CDK14: variants seen among roughly 807,000 people sequenced by gnomAD.
The protein encoded by CDK14 is cyclin dependent kinase 14, also known as cyclin-dependent kinase 14.
A neutral mutation model predicts 60.7 loss-of-function variants in CDK14; 34 were observed. The ratio of observed to expected loss-of-function variants is 0.56; its 90% CI spans 0.43 to 0.75. The LOEUF (loss-of-function observed/expected upper bound fraction) is 0.75. Ranked by LOEUF, CDK14 falls within the 30% of genes least tolerant of loss-of-function variation. The pLI, the probability that CDK14 is intolerant of heterozygous loss-of-function variation, is 0.00. For synonymous variants in CDK14, 197 were observed against 203.7 expected, an observed-to-expected ratio of 0.97 and a Z score of 0.28; for missense variants, 482 against 564.1, an observed-to-expected ratio of 0.85 and a Z score of 1.47.
At chr7:91,039,876 G>A (rs1399820037) in intron 10 of CDK14, among the ~76,000 whole-genome samples, 3 of 152,056 alleles carry the variant, frequency 2.0e-5, no homozygotes, top group Non-Finnish European at 4.4e-5. Context: ...TGGATCACTT[G>A]AGCCCAGGAG....
Position 90,649,377 on chromosome 7 carries a change from CCTT to C in CDK14, c.123+45130_123+45132del, listed in dbSNP as rs1800566682. Among the ~76,000 whole-genome samples, 7 of 53,290 alleles carry C rather than the reference CCTT, an allele frequency of 1.3e-4. 1 individual carries two copies. Among genetic ancestry groups the C allele is most frequent in the African/African-American group, 5.6e-4 (6 of 10,790 alleles). 35.0% of individuals were successfully genotyped at this position (53,290 alleles called of 152,430 possible). On this transcript the variant is annotated intron_variant, in intron 2 of 14. Transcript: ENST00000380050. ...CCTTCCTTCCTTCCTTTCCTTCCTT[CCTT>C]CCTTCCTTCCTTCCTTCTTTCTTTC... is the stretch of plus-strand genomic sequence containing the variant.
intron 11 of CDK14, among the ~76,000 whole-genome samples, chr7:91,051,067 G>T (rs1036254596): frequency 2.0e-5 from 3 of 152,172 alleles, no homozygotes; most frequent in African/African-American, 7.2e-5. Flanking sequence ...AAGTAGAGAA[G>T]ATCTGATCTC....
At chr7:90,963,699 T>A (rs1249336552) in intron 9 of CDK14, among the ~76,000 whole-genome samples, 2 of 145,944 alleles carry the variant, frequency 1.4e-5, no homozygotes, top group African/African-American at 5.1e-5. Context: ...TTTTCTTTTT[T>A]CTTTTTCTTT....
intron 11 of CDK14, among the ~76,000 whole-genome samples, chr7:91,050,328 G>A (rs1283923051): frequency 1.3e-5 from 2 of 152,090 alleles, no homozygotes; most frequent in Non-Finnish European, 2.9e-5. Context: ...CAGGGGAGAG[G>A]CGATGAAATG....
In CDK14 at chr7:90,775,623, C is replaced by CT. The variant is rs1465037296; in HGVS notation, c.465-14949dup. 8.4e-4 allele frequency among the ~76,000 whole-genome samples: 81 copies of CT among 96,160 alleles called. 1 individual carries two copies. The highest frequency in any genetic ancestry group is 2.6e-3 in the African/African-American group (72 of 28,228). 63.1% of individuals were successfully genotyped at this position (96,160 alleles called of 152,430 possible). On this transcript the variant is annotated intron_variant, in intron 4 of 14. Transcript: ENST00000380050. ...CAGAGAAAAACGAAAATACCTCCTC[C>CT]TCCCCCTCCCCCTTCCCCTCCCCCT...
At chr7:91,072,413 A>G (rs1184295032) in intron 11 of CDK14, among the ~76,000 whole-genome samples, 1 of 152,172 alleles carries the variant, frequency 6.6e-6, no homozygotes, top group East Asian at 1.9e-4. Flanking sequence ...AGCAAACCAC[A>G]GCAGCCATAC....
intron 12 of CDK14, among the ~76,000 whole-genome samples, chr7:91,111,021 C>T (rs950870544): frequency 1.3e-5 from 2 of 152,120 alleles, no homozygotes; most frequent in African/African-American, 4.8e-5. Flanking sequence ...TGCTTTCGTT[C>T]CCTGTGGACA....
At chr7:90,653,619 T>C (rs967120255) in intron 2 of CDK14, among the ~76,000 whole-genome samples, 6 of 152,150 alleles carry the variant, frequency 3.9e-5, no homozygotes, top group Admixed American at 2.0e-4. Context: ...TTTGAGTGTT[T>C]TATGGATTTC....
chr7:90,664,830 C>A (rs1307683635), intron 2 of CDK14, among the ~76,000 whole-genome samples: 1 of 151,860 alleles, frequency 6.6e-6, no homozygotes, highest in African/African-American at 2.4e-5. Flanking sequence ...AGGAGATATA[C>A]CTAATGCTAA....
chr7:91,043,841 C>T (rs564553808), intron 10 of CDK14, among the ~76,000 whole-genome samples: 1 of 152,244 alleles, frequency 6.6e-6, no homozygotes, highest in East Asian at 1.9e-4. Flanking sequence ...TGTATTTAAT[C>T]CTGATTCACC....
intron 4 of CDK14, among the ~76,000 whole-genome samples, chr7:90,754,094 G>A (rs1385008804): frequency 1.3e-5 from 2 of 152,118 alleles, no homozygotes; most frequent in African/African-American, 2.4e-5. Context: ...CTATCAAACT[G>A]CCAATGTTGT....
At chr7:90,904,299 A>G (rs1792621578) in intron 7 of CDK14, among the ~76,000 whole-genome samples, 1 of 152,172 alleles carries the variant, frequency 6.6e-6, no homozygotes, top group Non-Finnish European at 1.5e-5. Flanking sequence ...CCCAGTTAAC[A>G]AATGAGTAAC....
At chr7:91,140,252 C>G (rs1359000035) in intron 14 of CDK14, among the ~76,000 whole-genome samples, 1 of 152,174 alleles carries the variant, frequency 6.6e-6, no homozygotes, top group African/African-American at 2.4e-5. Context: ...AACAAACTGA[C>G]TTCCCTAAAA....
intron 14 of CDK14, among the ~76,000 whole-genome samples, chr7:91,158,297 C>T (rs1196744604): frequency 1.3e-5 from 2 of 151,734 alleles, no homozygotes; most frequent in Non-Finnish European, 2.9e-5. Flanking sequence ...ACTGCAGTCT[C>T]GACCTCCCGC....
intron 8 of CDK14, among the ~76,000 whole-genome samples, chr7:90,951,551 C>A (rs143131257): frequency 3.0e-4 from 46 of 152,226 alleles, no homozygotes; most frequent in African/African-American, 8.2e-4. Flanking sequence ...CATTTCTGAA[C>A]CTTATCCTAG....
intron 1 of CDK14, among the ~76,000 whole-genome samples, chr7:90,600,602 A>C (rs1799294821): frequency 6.6e-6 from 1 of 152,234 alleles, no homozygotes; most frequent in South Asian, 2.1e-4. Context: ...TTGTGCTGTA[A>C]CTGTGTAATT....
chr7:90,719,917 A>AG (rs1802384730), intron 2 of CDK14, among the ~76,000 whole-genome samples: 1 of 152,170 alleles, frequency 6.6e-6, no homozygotes, highest in Non-Finnish European at 1.5e-5. Context: ...CACGATACTG[A>AG]TAGCATAGCT....
intron 8 of CDK14, among the ~76,000 whole-genome samples, chr7:90,939,791 TAGC>T (rs772509069): frequency 6.6e-4 from 100 of 152,334 alleles, no homozygotes; most frequent in Non-Finnish European, 1.2e-3. Context: ...CAGGTTTTAG[TAGC>T]TAAATGAGCT....
intron 5 of CDK14, among the ~76,000 whole-genome samples, chr7:90,801,400 T>A (rs936982677): frequency 6.6e-6 from 1 of 152,230 alleles, no homozygotes; most frequent in South Asian, 2.1e-4. Context: ...AAGCAAAATA[T>A]CATTCTCTGT....
Sources: gnomAD v4.1 joint callset for allele counts (sites outside exome capture counted in the v4.1 genomes callset) on GRCh38, gnomAD v4.1.1 for gene constraint, MANE v1.5 for transcripts, NCBI Gene and HGNC (gene_info 2026-07-23, HGNC 2026-07-21) for gene names.